PANX1: variants seen among roughly 807,000 people sequenced by gnomAD.
PANX1 encodes the protein pannexin-1.
PANX1 carries 30 observed loss-of-function variants against 38.7 expected under a neutral mutation model. That is an observed-to-expected ratio of 0.78 (90% CI 0.58 to 1.05). PANX1 has a LOEUF of 1.05. Among genes scored for constraint, PANX1 ranks in the 50% least tolerant of loss-of-function variants. The pLI is 0.00. For missense variants in PANX1, 551 were observed against 517.2 expected, an observed-to-expected ratio of 1.07 and a Z score of -0.63; for synonymous variants, 230 against 212.2, an observed-to-expected ratio of 1.08 and a Z score of -0.73.
chr11:94,148,026 A>G (rs1402389516), intron 1 of PANX1, among the ~76,000 whole-genome samples: 1 of 152,180 alleles, frequency 6.6e-6, no homozygotes. Flanking sequence ...TAGCTGTGGG[A>G]AAGAAAGACC....
chr11:94,165,351 T>TTTA (rs1431684446), intron 2 of PANX1, among the ~76,000 whole-genome samples: 3 of 151,258 alleles, frequency 2.0e-5, no homozygotes, highest in Non-Finnish European at 4.4e-5. Flanking sequence ...ATTTTTTAAT[T>TTTA]TTATTATTAT....
chr11:94,155,350 CAAA>C (rs34215722), intron 2 of PANX1, among the ~76,000 whole-genome samples: 10 of 101,426 alleles, frequency 9.9e-5, no homozygotes, highest in African/African-American at 1.0e-4. Flanking sequence ...AACTCCATCT[CAAA>C]AAAAAAAAAA....
At position 94,129,151 on chromosome 11, in the gene PANX1, G is replaced by A; in HGVS notation, c.-162G>A. On this transcript the variant is annotated 5_prime_UTR_variant, in exon 1 of 5. Transcript: ENST00000227638. Reference sequence around the variant, plus strand: ...AGCGCGAGAGCCCAGCGGAGTCGCTGGGAGCCTGAGGCACCGAGACACAAA... The same window carrying A: ...AGCGCGAGAGCCCAGCGGAGTCGCTAGGAGCCTGAGGCACCGAGACACAAA... The A allele has an allele frequency of 1.8e-6, 1 of 545,146 alleles. No homozygotes were observed. Among genetic ancestry groups the A allele is most frequent in the Non-Finnish European group, 3.1e-6 (1 of 318,976 alleles). The allele number at this position is 545,146 out of a possible 1,614,324, so 33.8% of individuals were successfully genotyped here.
At chr11:94,180,341 C>G in intron 4 of PANX1, 84 bp downstream of exon 4, 2 of 1,180,906 alleles carry the variant, frequency 1.7e-6, no homozygotes, top group Non-Finnish European at 1.2e-6. Flanking sequence ...AGTCTTTACC[C>G]TGCCCATCAT....
At chr11:94,169,483 C>G (rs565297062) in intron 2 of PANX1, among the ~76,000 whole-genome samples, 1 of 151,612 alleles carries the variant, frequency 6.6e-6, no homozygotes, top group South Asian at 2.1e-4. Flanking sequence ...AAGTTTTAAC[C>G]CAGTGTGCCC....
At chr11:94,161,590 C>T (rs1285673347) in intron 2 of PANX1, among the ~76,000 whole-genome samples, 2 of 152,146 alleles carry the variant, frequency 1.3e-5, no homozygotes, top group Non-Finnish European at 2.9e-5. Flanking sequence ...TTAAGGACTT[C>T]TCTGCATTGG....
chr11:94,129,571 C>G (rs369317573), intron 1 of PANX1, 78 bp downstream of exon 1: 33 of 1,316,282 alleles, frequency 2.5e-5, no homozygotes, highest in South Asian at 1.8e-4. Context: ...CTCACAGGCC[C>G]GAGTCTGGGT....
intron 1 of PANX1, among the ~76,000 whole-genome samples, chr11:94,145,068 C>G (rs1391201234): frequency 1.3e-5 from 2 of 152,148 alleles, no homozygotes; most frequent in Non-Finnish European, 2.9e-5. Context: ...TAACTAATCA[C>G]ATTGGTTATA....
At chr11:94,147,037 T>A (rs7125968) in intron 1 of PANX1, among the ~76,000 whole-genome samples, 3,434 of 152,234 alleles carry the variant, frequency 0.023, 89 homozygotes, top group South Asian at 0.066. Context: ...TATATATGCA[T>A]AGAGAGAGAG....
intron 1 of PANX1, among the ~76,000 whole-genome samples, chr11:94,151,762 T>A (rs1283713387): frequency 2.6e-5 from 4 of 152,220 alleles, no homozygotes; most frequent in African/African-American, 7.2e-5. Flanking sequence ...ATATCTTACC[T>A]GTCCCCCACT....
chr11:94,145,394 A>C lies in PANX1; in HGVS notation c.182-8097A>C, dbSNP rs1946816721. On this transcript the variant is annotated intron_variant, in intron 1 of 4. Transcript: ENST00000227638. Reference sequence around the variant, plus strand: ...TTTTTGAGTGATCTGCCCCAAACCTATATGCTCCAGAAGCACTGTTATTTT... The same window carrying C: ...TTTTTGAGTGATCTGCCCCAAACCTCTATGCTCCAGAAGCACTGTTATTTT... Among the ~76,000 whole-genome samples, 9 of 152,268 alleles carry C rather than the reference A, an allele frequency of 5.9e-5. No individual in the cohort carries two copies. In the South Asian group the frequency reaches 1.9e-3, roughly 32 times the overall value.
In PANX1 at chr11:94,150,466, G is replaced by A. The variant is rs1049415212; in HGVS notation, c.182-3025G>A. Among the ~76,000 whole-genome samples the A allele has an allele frequency of 2.6e-5, 4 of 152,344 alleles. No individual in the cohort carries two copies. In the Middle Eastern group the frequency reaches 0.01, roughly 389 times the overall value. ...GTTTACCTCCCAATATTATCTTGAA[G>A]AGTAAATGAGATAGAGGATGTGGAA... is the stretch of plus-strand genomic sequence containing the variant. On this transcript the variant is annotated intron_variant, in intron 1 of 4. Transcript: ENST00000227638.
chr11:94,144,367 AC>A (rs1946802230), intron 1 of PANX1, among the ~76,000 whole-genome samples: 3 of 151,696 alleles, frequency 2.0e-5, no homozygotes, highest in African/African-American at 7.3e-5. Context: ...TCCTGTTGTG[AC>A]ATTTTTGATG....
chr11:94,147,452 T>C (rs564342811), intron 1 of PANX1, among the ~76,000 whole-genome samples: 7 of 152,122 alleles, frequency 4.6e-5, no homozygotes, highest in Non-Finnish European at 7.4e-5. Flanking sequence ...GTTTAGACCT[T>C]GTGGGTGTGT....
In PANX1 at chr11:94,180,800, A is replaced by G. The variant is rs762947165; in HGVS notation, c.1212A>G (p.Ile404Met). The G allele has an allele frequency of 1.1e-5, 17 of 1,513,448 alleles. No homozygotes were observed. Among genetic ancestry groups the G allele is most frequent in the Non-Finnish European group, 1.4e-5 (15 of 1,088,212 alleles). 93.8% of individuals were successfully genotyped at this position (1,513,448 alleles called of 1,614,324 possible). A position where few individuals can be genotyped will look rare whatever the true frequency, so the allele number is the denominator to read the frequency against. The change falls in exon 5 of 5, where the codon ATA becomes ATG. Residue 404 changes from isoleucine to methionine, a missense_variant. Ile to Met is a conservative substitution (Grantham distance 10). Transcript: ENST00000227638. Reference sequence around the variant, plus strand: ...TTTCAATTTTGACAGGTATGAACATAGACAGTGAAACTAAAGCAAATAATG... The same window carrying G: ...TTTCAATTTTGACAGGTATGAACATGGACAGTGAAACTAAAGCAAATAATG... ...NQTAELQGMN[I>M]DSETKANNGE...
chr11:94,180,894 T>A lies in PANX1; in HGVS notation c.*25T>A. ...ATGATTTTTTTCCTTGAGCTGTAAA[T>A]CTGTGACTTCTGCGACATGGGATTT... On this transcript the variant is annotated 3_prime_UTR_variant, in exon 5 of 5. Transcript: ENST00000227638. The A allele has an allele frequency of 3.0e-6, 4 of 1,311,930 alleles. No homozygotes were observed. The highest frequency in any genetic ancestry group is 2.2e-6 in the Non-Finnish European group (2 of 904,506). The allele number at this position is 1,311,930 out of a possible 1,614,324, so 81.3% of individuals were successfully genotyped here.
At chr11:94,177,580 C>T (rs896665507) in intron 2 of PANX1, among the ~76,000 whole-genome samples, 6 of 152,154 alleles carry the variant, frequency 3.9e-5, no homozygotes, top group African/African-American at 1.2e-4. Context: ...TACGGTCTTC[C>T]TAAGTCTTCT....
rs1224019352 is a variant in PANX1, at chr11:94,137,864, T to TTCTA, written c.181+8374_181+8375insATCT. ...ATAATACTACCAGGGATAACTACTA[T>TTCTA]TCTTGAAAAACCAAACACTAAGTCA... On this transcript the variant is annotated intron_variant, in intron 1 of 4. Coordinates refer to ENST00000227638, the MANE Select transcript of PANX1 (RefSeq NM_015368.4). 1.4e-3 allele frequency among the ~76,000 whole-genome samples: 32 copies of TTCTA among 22,352 alleles called. 5 individuals are homozygous for TTCTA. The highest frequency in any genetic ancestry group is 5.2e-3 in the African/African-American group (12 of 2,330). The allele number at this position is 22,352 out of a possible 152,430, so 14.7% of individuals were successfully genotyped here. A position where few individuals can be genotyped will look rare whatever the true frequency, so the allele number is the denominator to read the frequency against.
intron 1 of PANX1, among the ~76,000 whole-genome samples, chr11:94,132,022 C>T (rs1000325409): frequency 3.9e-5 from 6 of 152,176 alleles, no homozygotes; most frequent in African/African-American, 1.2e-4. Flanking sequence ...ATTACTGCTT[C>T]CCTCTCTGGT....
Sources: allele counts gnomAD v4.1 joint callset (sites outside exome capture counted in the v4.1 genomes callset), GRCh38; gene constraint gnomAD v4.1.1; transcripts MANE v1.5; gene names NCBI Gene and HGNC (gene_info 2026-07-23, HGNC 2026-07-21).